Variants in PLAU observed in about 807,000 individuals in gnomAD.
PLAU encodes urokinase-type plasminogen activator.
A neutral mutation model predicts 48.9 loss-of-function variants in PLAU; 32 were observed. The observed-to-expected ratio is 0.65, with a 90% CI of 0.49 to 0.88. PLAU has a LOEUF of 0.88. PLAU is among the 40% of genes least tolerant of loss of function. The pLI, the probability that PLAU is intolerant of heterozygous loss-of-function variation, is 0.00. For synonymous variants in PLAU, 199 were observed against 205.7 expected (o/e 0.97, Z 0.28); for missense variants, 455 against 545.2 (o/e 0.83, Z 1.65).
Position 73,916,109 on chromosome 10 carries a change from T to C in PLAU, c.1120-280T>C, listed in dbSNP as rs530343972. ...GCAAAAAAAAATTAGCCAGGTGTGG[T>C]GGTGCCTGCCTGTAATCCCAGCTAA... On this transcript the variant is annotated intron_variant, in intron 10 of 10. Coordinates refer to ENST00000372764, the MANE Select transcript of PLAU (RefSeq NM_002658.6). Among the ~76,000 whole-genome samples, 362 of 152,092 alleles carry C rather than the reference T, an allele frequency of 2.4e-3. 1 individual carries two copies. The highest frequency in any genetic ancestry group is 8.1e-3 in the African/African-American group (337 of 41,496).
In PLAU at chr10:73,912,072, A is replaced by C; in HGVS notation, c.85+4A>C. The C allele has an allele frequency of 6.2e-7, 1 of 1,606,750 alleles. No homozygotes were observed. The highest frequency in any genetic ancestry group is 8.5e-7 in the Non-Finnish European group (1 of 1,175,500). ...AATGAACTTCATCAAGTTCCATGTG[A>C]GTATCCACCCCTACAACAGTTGGCT... On this transcript the variant is annotated splice_donor_region_variant and intron_variant, in intron 3 of 10. Coordinates refer to ENST00000372764, the MANE Select transcript of PLAU (RefSeq NM_002658.6).
chr10:73,914,818 C>T lies in PLAU; in HGVS notation c.872C>T (p.Pro291Leu), dbSNP rs528721328. The change falls in exon 9 of 11, where the codon CCA becomes CTA. Residue 291 changes from proline to leucine, a missense_variant. Coordinates refer to ENST00000372764, the MANE Select transcript of PLAU (RefSeq NM_002658.6). Reference sequence around the variant, plus strand: ...TCCAAGGAGGGCAGGTGTGCGCAGCCATCCCGGACTATACAGACCATCTGC... The same window carrying T: ...TCCAAGGAGGGCAGGTGTGCGCAGCTATCCCGGACTATACAGACCATCTGC... ...IRSKEGRCAQ[P>L]SRTIQTICLP... The T allele has an allele frequency of 6.2e-7, 1 of 1,614,010 alleles. No individual in the cohort carries two copies. The highest frequency in any genetic ancestry group is 1.3e-5 in the African/African-American group (1 of 74,930).
At chr10:73,911,789 C>G in intron 2 of PLAU, 177 bp downstream of exon 2, 2 of 1,551,830 alleles carry the variant, frequency 1.3e-6, no homozygotes, top group Non-Finnish European at 1.7e-6. Flanking sequence ...GGGGTTGGCA[C>G]TGGCTGGCAA....
intron 4 of PLAU, 125 bp from the exon 5 acceptor site, chr10:73,912,799 T>G: frequency 1.4e-5 from 10 of 696,338 alleles, no homozygotes; most frequent in Non-Finnish European, 2.1e-5. Context: ...CTCAGTGAGC[T>G]GAGATCACAC....
chr10:73,915,605 A>G (rs1396108951), intron 10 of PLAU, among the ~76,000 whole-genome samples: 1 of 152,194 alleles, frequency 6.6e-6, no homozygotes, highest in East Asian at 1.9e-4. Context: ...GTCACTTCAG[A>G]CTGGGGGCAC....
chr10:73,916,364 A>G lies in PLAU; in HGVS notation c.1120-25A>G, dbSNP rs534034767. 9.7e-5 allele frequency: 155 copies of G among 1,605,730 alleles called. No homozygotes were observed. The South Asian group carries it at 1.6e-3, about 16-fold the overall frequency. On this transcript the variant is annotated intron_variant, in intron 10 of 10. Coordinates refer to ENST00000372764, the MANE Select transcript of PLAU (RefSeq NM_002658.6). ...TCCCCTCCTCACTTCTCTAGGGCTC[A>G]TCTTTTGTATCTTTGGCGTCACAGG... is the stretch of plus-strand genomic sequence containing the variant.
chr10:73,908,997 C>T (rs1483649583), upstream of PLAU, among the ~76,000 whole-genome samples: 2 of 150,208 alleles, frequency 1.3e-5, no homozygotes, highest in African/African-American at 2.5e-5. Flanking sequence ...AAGAACTGTG[C>T]ACAAAGATTT....
At chr10:73,912,588 C>T (rs763862585) in intron 4 of PLAU, among the ~76,000 whole-genome samples, 5 of 149,256 alleles carry the variant, frequency 3.3e-5, no homozygotes, top group African/African-American at 9.9e-5. Flanking sequence ...TGGTGGCTCA[C>T]GCTTGTAATC....
At chr10:73,911,370 G>A in intron 1 of PLAU, 152 bp downstream of exon 1, 1 of 801,024 alleles carries the variant, frequency 1.2e-6, no homozygotes, top group East Asian at 2.7e-5. Context: ...TCCCCCGCGG[G>A]TGCCGATCCA....
chr10:73,910,742 AGT>A (rs1256367531), upstream of PLAU: 1 of 152,336 alleles, frequency 6.6e-6, no homozygotes, highest in African/African-American at 2.4e-5. Flanking sequence ...GGTCTGAGGC[AGT>A]CTTAGGCAAG....
At chr10:73,913,429 C>T (rs769862196) in intron 6 of PLAU, 48 bp downstream of exon 6, 51 of 1,560,708 alleles carry the variant, frequency 3.3e-5, no homozygotes, top group Non-Finnish European at 4.2e-5. Flanking sequence ...AGGGGACAAA[C>T]TTACATGTCC....
chr10:73,912,954 G>A lies in PLAU; in HGVS notation c.224G>A (p.Gly75Asp). ...TCAAAAACCTGCTATGAGGGGAATG[G>A]TCACTTTTACCGAGGAAAGGCCAGC... is the stretch of plus-strand genomic sequence containing the variant. ...DKSKTCYEGN[G>D]HFYRGKASTD... The change falls in exon 5 of 11, where the codon GGT (glycine) becomes GAT (aspartate). Residue 75 changes from glycine to aspartate, a missense_variant. Transcript: ENST00000372764. The A allele has an allele frequency of 6.2e-7, 1 of 1,613,766 alleles. No individual in the cohort carries two copies. Among genetic ancestry groups the A allele is most frequent in the Non-Finnish European group, 8.5e-7 (1 of 1,179,862 alleles).
chr10:73,912,348 G>T, intron 4 of PLAU, 26 bp downstream of exon 4: 1 of 861,256 alleles, frequency 1.2e-6, no homozygotes, highest in Non-Finnish European at 1.8e-6. Flanking sequence ...CTGCAACTGG[G>T]AGAGAAATTT....
Position 73,913,571 on chromosome 10 carries a change from A to C in PLAU, c.493A>C (p.Lys165Gln). The C allele has an allele frequency of 1.2e-6, 2 of 1,613,658 alleles. No individual in the cohort carries two copies. Among genetic ancestry groups the C allele is most frequent in the Non-Finnish European group, 8.5e-7 (1 of 1,179,834 alleles). ...GCCCTCCTCTCCTCCAGAAGAATTAAAATTTCAGTGTGGCCAAAAGACTCT... is the reference window on the plus strand; with the variant it reads ...GCCCTCCTCTCCTCCAGAAGAATTACAATTTCAGTGTGGCCAAAAGACTCT... The part of the protein sequence containing the change: ...KKPSSPPEEL[K>Q]FQCGQKTLRP... Residue 165 changes from lysine to glutamine, a missense_variant, in exon 7 of 11, where the codon AAA becomes CAA. Transcript: ENST00000372764.
chr10:73,911,394 C>T, intron 1 of PLAU, 131 bp from the exon 2 acceptor site: 2 of 995,366 alleles, frequency 2.0e-6, no homozygotes, highest in Admixed American at 4.0e-5. Context: ...TGCCCGGAGT[C>T]CGGAGCCCAG....
At position 73,915,027 on chromosome 10, in the gene PLAU, C is replaced by T. The variant is rs189278700; in HGVS notation, c.970+111C>T. On this transcript the variant is annotated intron_variant, in intron 9 of 10. Transcript: ENST00000372764. ...AGAGTTAGAGGTGGGAGCACTGAGG[C>T]GGTGGCAGATGGGTCCAGGGATGGA... 5.8e-4 allele frequency: 731 copies of T among 1,255,604 alleles called. 3 individuals are homozygous for T. The African/African-American group carries it at 8.9e-3, about 15-fold the overall frequency. 77.8% of individuals were successfully genotyped at this position (1,255,604 alleles called of 1,614,324 possible).
At position 73,916,406 on chromosome 10, in the gene PLAU, C is replaced by T. The variant is rs767845639; in HGVS notation, c.1137C>T (p.Pro379=). The change falls in exon 11 of 11, where the codon CCC becomes CCT. Residue 379 remains proline (P), a synonymous_variant. Transcript: ENST00000372764. ...TDSCQGDSGG[P]LVCSLQGRMT... is the part of the protein sequence containing the mutation. ...CGTCACAGGGAGACTCAGGGGGACC[C>T]CTCGTCTGTTCCCTCCAAGGCCGCA... is the stretch of plus-strand genomic sequence containing the variant. 8.1e-6 allele frequency: 13 copies of T among 1,613,058 alleles called. No individual in the cohort carries two copies. The East Asian group carries it at 2.5e-4, about 30-fold the overall frequency.
At position 73,917,318 on chromosome 10, in the gene PLAU, C is replaced by G. The variant is rs545559536; in HGVS notation, c.*753C>G. ...TGTGACCAGCACTGTCTCAGTTTCACTTTCACATAGATGTCCCTTTCTTGG... is the reference window on the plus strand; with the variant it reads ...TGTGACCAGCACTGTCTCAGTTTCAGTTTCACATAGATGTCCCTTTCTTGG... On this transcript the variant is annotated 3_prime_UTR_variant, in exon 11 of 11. Coordinates refer to ENST00000372764, the MANE Select transcript of PLAU (RefSeq NM_002658.6). The G allele has an allele frequency of 1.3e-5, 2 of 152,666 alleles. No individual in the cohort carries two copies. The highest frequency in any genetic ancestry group is 4.8e-5 in the African/African-American group (2 of 41,442). The allele number at this position is 152,666 out of a possible 1,614,324, so 9.5% of individuals were successfully genotyped here. A position where few individuals can be genotyped will look rare whatever the true frequency, so the allele number is the denominator to read the frequency against.
upstream of PLAU, among the ~76,000 whole-genome samples, chr10:73,909,725 C>T (rs928603804): frequency 7.9e-5 from 12 of 152,330 alleles, no homozygotes; most frequent in Admixed American, 5.2e-4. Flanking sequence ...GGCCCAAAGC[C>T]GCTAGTGGAT....
Sources: gnomAD v4.1 joint callset for allele counts (sites outside exome capture counted in the v4.1 genomes callset) on GRCh38, gnomAD v4.1.1 for gene constraint, MANE v1.5 for transcripts, NCBI Gene and HGNC (gene_info 2026-07-23, HGNC 2026-07-21) for gene names.